NBAS: variants seen among roughly 807,000 people sequenced by gnomAD.
NBAS encodes NAG/BC035112 fusion.
NBAS carries 219 observed loss-of-function variants against 302.5 expected under a neutral mutation model. The ratio of observed to expected loss-of-function variants is 0.72; its 90% CI spans 0.65 to 0.81. The LOEUF (loss-of-function observed/expected upper bound fraction) is 0.81. Ranked by LOEUF, NBAS falls within the 30% of genes least tolerant of loss-of-function variation. The pLI is 0.00. For synonymous variants in NBAS, 1,118 were observed against 1,021.6 expected, an observed-to-expected ratio of 1.09 and a Z score of -1.80; for missense variants, 2,932 against 2,841.6, an observed-to-expected ratio of 1.03 and a Z score of -0.72.
At chr2:15,102,152 G>T in the NBAS span, among the ~76,000 whole-genome samples, 2 of 152,200 alleles carry the variant, frequency 1.3e-5, no homozygotes, top group African/African-American at 4.8e-5. Flanking sequence ...TCTGTGTCCA[G>T]CCACAAGGGT....
At chr2:15,302,721 G>T (rs74902435) in intron 40 of NBAS, among the ~76,000 whole-genome samples, 3 of 152,226 alleles carry the variant, frequency 2.0e-5, no homozygotes, top group South Asian at 2.1e-4. Flanking sequence ...GTTCCTGGGT[G>T]TGTCTGTGAG....
chr2:14,980,027 A>G, the NBAS span, among the ~76,000 whole-genome samples: 1 of 152,234 alleles, frequency 6.6e-6, no homozygotes, highest in African/African-American at 2.4e-5. Context: ...GAAGACATCA[A>G]TATGTGAAAT....
the NBAS span, among the ~76,000 whole-genome samples, chr2:14,888,280 G>A: frequency 1.3e-5 from 2 of 152,080 alleles, no homozygotes; most frequent in Non-Finnish European, 2.9e-5. Context: ...ACAGGTGTGT[G>A]CCACCACACC....
At chr2:15,305,847 C>T (rs1558519504) in intron 40 of NBAS, among the ~76,000 whole-genome samples, 1 of 152,078 alleles carries the variant, frequency 6.6e-6, no homozygotes, top group African/African-American at 2.4e-5. Flanking sequence ...AACAGTAGGA[C>T]CTTAATAAAG....
At position 15,468,500 on chromosome 2, in the gene NBAS, C is replaced by G; in HGVS notation, c.1759G>C (p.Glu587Gln). 6.2e-7 allele frequency: 1 copy of G among 1,614,072 alleles called. No individual in the cohort carries two copies. Among genetic ancestry groups the G allele is most frequent in the Non-Finnish European group, 8.5e-7 (1 of 1,179,950 alleles). The change falls in exon 17 of 52, where the codon GAG becomes CAG. Residue 587 changes from glutamate to glutamine, a missense_variant. Physicochemically the swap from Glu to Gln is conservative, Grantham distance 29. Transcript: ENST00000281513. Reference protein sequence around the residue: ...KIKKRSWVLHECLERVPENVD... With the variant: ...KIKKRSWVLHQCLERVPENVD... ...TTTTCAGGAACTCTTTCCAAACACT[C>G]ATGGAGAACCCAGGATCGCTTCTTT...
At chr2:14,830,413 T>C in the NBAS span, among the ~76,000 whole-genome samples, 1 of 152,116 alleles carries the variant, frequency 6.6e-6, no homozygotes, top group East Asian at 1.9e-4. Flanking sequence ...ACCCCTGGAG[T>C]TGGAGATACA....
intron 6 of NBAS, among the ~76,000 whole-genome samples, chr2:15,540,110 G>T (rs562586198): frequency 6.6e-6 from 1 of 152,074 alleles, no homozygotes; most frequent in Non-Finnish European, 1.5e-5. Context: ...TTATTGTTTC[G>T]TTTGCTTCGG....
At chr2:15,560,039 GA>G (rs1208711458) in intron 1 of NBAS, among the ~76,000 whole-genome samples, 2 of 151,890 alleles carry the variant, frequency 1.3e-5, no homozygotes, top group Non-Finnish European at 2.9e-5. Context: ...GGCTACAGAG[GA>G]AAAAAATACA....
intron 50 of NBAS, among the ~76,000 whole-genome samples, chr2:15,181,051 T>G (rs933272262): frequency 6.6e-6 from 1 of 152,240 alleles, no homozygotes; most frequent in African/African-American, 2.4e-5. Flanking sequence ...TAGTCATTCA[T>G]CGGTCTACCT....
chr2:14,807,892 C>A, the NBAS span, among the ~76,000 whole-genome samples: 1 of 152,100 alleles, frequency 6.6e-6, no homozygotes, highest in East Asian at 1.9e-4. Flanking sequence ...AGGGTTAGTG[C>A]TCTCTTGCTA....
the NBAS span, among the ~76,000 whole-genome samples, chr2:15,001,802 A>C: frequency 6.6e-6 from 1 of 152,086 alleles, no homozygotes; most frequent in African/African-American, 2.4e-5. Context: ...CTCAGGAGTG[A>C]AGCTGCAGAC....
the NBAS span, among the ~76,000 whole-genome samples, chr2:15,119,748 G>GCCCT: frequency 1.3e-5 from 2 of 152,152 alleles, no homozygotes; most frequent in African/African-American, 2.4e-5. Flanking sequence ...TGTACTCAGG[G>GCCCT]CCCTACAGAG....
chr2:15,443,501 C>T lies in NBAS; in HGVS notation c.2340-15707G>A, dbSNP rs527686398. Among the ~76,000 whole-genome samples the T allele has an allele frequency of 5.0e-3, 755 of 151,712 alleles. 1 individual carries two copies. Among genetic ancestry groups the T allele is most frequent in the African/African-American group, 0.016 (671 of 41,274 alleles). On this transcript the variant is annotated intron_variant, in intron 21 of 51. Coordinates refer to ENST00000281513, the MANE Select transcript of NBAS (RefSeq NM_015909.4). The stretch of plus-strand genomic sequence containing the variant: ...TAAATTAGGTATTGATGGGACGTAT[C>T]TCAAAATAATAAGAGCTATCTATGA...
chr2:15,555,554 A>T (rs1048481167), intron 3 of NBAS, among the ~76,000 whole-genome samples: 1 of 152,060 alleles, frequency 6.6e-6, no homozygotes, highest in Admixed American at 6.6e-5. Context: ...GAACTTTTTT[A>T]AAAAAAGAAG....
chr2:14,807,142 G>C, the NBAS span, among the ~76,000 whole-genome samples: 1 of 127,598 alleles, frequency 7.8e-6, no homozygotes, highest in Non-Finnish European at 1.5e-5. Context: ...GTAAATATCA[G>C]GGGGGGGTTC....
chr2:15,393,614 T>TGAAAGCGTATGTCTACACAAAA, intron 28 of NBAS: 1 of 465,870 alleles, frequency 2.1e-6, no homozygotes, highest in Admixed American at 2.4e-5. Context: ...CTGAGAGAAA[T>TGAAAGCGTATGTCTACACAAAA]GAAAGCGTAT....
chr2:15,272,639 T>G (rs1236617877), intron 44 of NBAS, among the ~76,000 whole-genome samples: 1 of 152,230 alleles, frequency 6.6e-6, no homozygotes, highest in Non-Finnish European at 1.5e-5. Flanking sequence ...CTGTCTCACC[T>G]CTCTATAATT....
the NBAS span, among the ~76,000 whole-genome samples, chr2:14,809,953 C>T: frequency 6.6e-6 from 1 of 152,216 alleles, no homozygotes; most frequent in African/African-American, 2.4e-5. Flanking sequence ...GATTTGACTG[C>T]CCCGCTGTAT....
chr2:14,806,566 G>C, the NBAS span, among the ~76,000 whole-genome samples: 1 of 152,080 alleles, frequency 6.6e-6, no homozygotes, highest in African/African-American at 2.4e-5. Context: ...GAGTCCCCTA[G>C]AGATTCCCAT....
Sources: gnomAD v4.1 joint callset for allele counts (sites outside exome capture counted in the v4.1 genomes callset) on GRCh38, gnomAD v4.1.1 for gene constraint, MANE v1.5 for transcripts, NCBI Gene and HGNC (gene_info 2026-07-23, HGNC 2026-07-21) for gene names.